Variants in PCYOX1 observed in about 807,000 individuals in gnomAD.
The protein encoded by PCYOX1 is prenylcysteine lyase.
A neutral mutation model predicts 46.4 loss-of-function variants in PCYOX1; 46 were observed. The observed-to-expected ratio is 0.99, with a 90% CI of 0.78 to 1.27. The LOEUF (loss-of-function observed/expected upper bound fraction) is 1.27, where lower values mean the gene tolerates loss of function less well. Ranked by LOEUF, PCYOX1 falls within the 50% of genes most tolerant of loss-of-function variation. The pLI is 0.00. For missense variants in PCYOX1, 658 were observed against 628.3 expected (o/e 1.05, Z -0.51); for synonymous variants, 220 against 231.8 (o/e 0.95, Z 0.46).
intron 3 of PCYOX1, among the ~76,000 whole-genome samples, chr2:70,272,231 A>C (rs899084476): frequency 6.6e-6 from 1 of 150,456 alleles, no homozygotes; most frequent in African/African-American, 2.4e-5. Flanking sequence ...GGTTCAAGCG[A>C]TTCTCCTGCC....
Position 70,277,478 on chromosome 2 carries a change from C to T in PCYOX1, c.*86C>T. 1.8e-6 allele frequency: 2 copies of T among 1,122,222 alleles called. No individual in the cohort carries two copies. Among genetic ancestry groups the T allele is most frequent in the Non-Finnish European group, 2.6e-6 (2 of 775,112 alleles). The allele number at this position is 1,122,222 out of a possible 1,614,324, so 69.5% of individuals were successfully genotyped here. On this transcript the variant is annotated 3_prime_UTR_variant, in exon 6 of 6. Coordinates refer to ENST00000433351, the MANE Select transcript of PCYOX1 (RefSeq NM_016297.4). ...AAATCTGAGCAGAGATGATTTTGAA[C>T]CAGATATTTTGCCATTATCATTGTT...
At chr2:70,270,345 A>C (rs1480984115) in intron 3 of PCYOX1, among the ~76,000 whole-genome samples, 1 of 152,118 alleles carries the variant, frequency 6.6e-6, no homozygotes, top group Admixed American at 6.6e-5. Flanking sequence ...GCTTTGGTTT[A>C]TCTGCAGAGC....
chr2:70,263,149 A>G (rs981919286), intron 3 of PCYOX1, among the ~76,000 whole-genome samples: 5 of 151,578 alleles, frequency 3.3e-5, no homozygotes, highest in African/African-American at 1.2e-4. Flanking sequence ...CAGGAGAATC[A>G]CTTGAACCTG....
rs1696714134 is a variant in PCYOX1 at position 70,278,193 on chromosome 2, GC to G, written c.*802del. 6.6e-6 allele frequency: 1 copy of G among 152,542 alleles called. No homozygotes were observed. The highest frequency in any genetic ancestry group is 1.5e-5 in the Non-Finnish European group (1 of 68,032). 9.4% of individuals were successfully genotyped at this position (152,542 alleles called of 1,614,324 possible). Reference sequence around the variant, plus strand: ...TATGGGCTACTGAATTAAGAAACTGGCATTCTAGTATTAAATCCTCACTTCA... The same window carrying G: ...TATGGGCTACTGAATTAAGAAACTGGATTCTAGTATTAAATCCTCACTTCA... On this transcript the variant is annotated 3_prime_UTR_variant, in exon 6 of 6. Transcript: ENST00000433351.
At chr2:70,273,936 T>G (rs978066989) in intron 3 of PCYOX1, among the ~76,000 whole-genome samples, 1 of 152,222 alleles carries the variant, frequency 6.6e-6, no homozygotes, top group African/African-American at 2.4e-5. Flanking sequence ...GCAAGACTTT[T>G]CAGAGAAGGT....
chr2:70,259,908 C>T (rs1221488221), intron 2 of PCYOX1, among the ~76,000 whole-genome samples: 2 of 152,102 alleles, frequency 1.3e-5, no homozygotes, highest in Admixed American at 6.6e-5. Flanking sequence ...CTCTGCCTCC[C>T]GGGTTCAAGC....
At chr2:70,268,646 A>G (rs1395587828) in intron 3 of PCYOX1, among the ~76,000 whole-genome samples, 3 of 152,044 alleles carry the variant, frequency 2.0e-5, no homozygotes, top group Non-Finnish European at 4.4e-5. Context: ...AAAAATACAA[A>G]AAATTAGCTG....
chr2:70,261,650 T>C (rs997185278), intron 3 of PCYOX1, among the ~76,000 whole-genome samples: 4 of 152,224 alleles, frequency 2.6e-5, no homozygotes, highest in Admixed American at 6.5e-5. Context: ...CTTGAATTCT[T>C]ATGACAACTT....
intron 3 of PCYOX1, among the ~76,000 whole-genome samples, chr2:70,270,760 G>A (rs970573085): frequency 9.2e-5 from 14 of 151,978 alleles, no homozygotes; most frequent in Non-Finnish European, 4.4e-5. Context: ...CTTCTTTTCA[G>A]ACCATTTTCT....
Position 70,281,112 on chromosome 2 carries a change from A to G in PCYOX1, c.*3720A>G, listed in dbSNP as rs1299071966. On this transcript the variant is annotated 3_prime_UTR_variant, in exon 6 of 6. Transcript: ENST00000433351. ...ATACACTGGAATGTTTTTCTCTGGAATCCTCTTTCTACTCTTGTATTAAAA... is the reference window on the plus strand; with the variant it reads ...ATACACTGGAATGTTTTTCTCTGGAGTCCTCTTTCTACTCTTGTATTAAAA... 6.6e-6 allele frequency: 1 copy of G among 152,288 alleles called. No homozygotes were observed. Among genetic ancestry groups the G allele is most frequent in the Non-Finnish European group, 1.5e-5 (1 of 68,108 alleles). 9.4% of individuals were successfully genotyped at this position (152,288 alleles called of 1,614,324 possible). A position where few individuals can be genotyped will look rare whatever the true frequency, so the allele number is the denominator to read the frequency against.
intron 3 of PCYOX1, among the ~76,000 whole-genome samples, chr2:70,266,918 C>G (rs1483239173): frequency 2.0e-5 from 3 of 152,192 alleles, no homozygotes; most frequent in African/African-American, 4.8e-5. Context: ...CCACATTTCC[C>G]CCACTTCTAT....
chr2:70,274,319 T>G (rs1696638027), intron 3 of PCYOX1, among the ~76,000 whole-genome samples: 1 of 149,908 alleles, frequency 6.7e-6, no homozygotes, highest in East Asian at 2.0e-4. Flanking sequence ...TGCCTCAGCC[T>G]CCTGAATAGC....
chr2:70,280,441 T>A lies in PCYOX1; in HGVS notation c.*3049T>A, dbSNP rs1464609636. The A allele has an allele frequency of 1.3e-5, 2 of 152,116 alleles. No individual in the cohort carries two copies. The highest frequency in any genetic ancestry group is 2.4e-5 in the African/African-American group (1 of 41,384). 9.4% of individuals were successfully genotyped at this position (152,116 alleles called of 1,614,324 possible). A position where few individuals can be genotyped will look rare whatever the true frequency, so the allele number is the denominator to read the frequency against. ...AGCCAGCTCTGCTCCAGTGGCTCTC[T>A]GAGTTGAGCATGCATCAGTTACCTT... is the stretch of plus-strand genomic sequence containing the variant. On this transcript the variant is annotated 3_prime_UTR_variant, in exon 6 of 6. Coordinates refer to ENST00000433351, the MANE Select transcript of PCYOX1 (RefSeq NM_016297.4).
At chr2:70,259,241 C>T in intron 1 of PCYOX1, 119 bp from the exon 2 acceptor site, 1 of 876,408 alleles carries the variant, frequency 1.1e-6, no homozygotes, top group Non-Finnish European at 1.9e-6. Flanking sequence ...CTTCCCCCAC[C>T]AAATTGTTGG....
chr2:70,268,039 G>A (rs1280850334), intron 3 of PCYOX1, among the ~76,000 whole-genome samples: 1 of 151,990 alleles, frequency 6.6e-6, no homozygotes, highest in Non-Finnish European at 1.5e-5. Flanking sequence ...TTGCACTCCT[G>A]ACCTCGTGAT....
intron 3 of PCYOX1, among the ~76,000 whole-genome samples, chr2:70,272,381 C>T (rs1696614216): frequency 6.6e-6 from 1 of 152,132 alleles, no homozygotes; most frequent in Non-Finnish European, 1.5e-5. Context: ...CCCGCCTCAG[C>T]CTCCCAAAGT....
intron 3 of PCYOX1, among the ~76,000 whole-genome samples, chr2:70,268,615 T>C (rs766244174): frequency 1.3e-5 from 2 of 151,940 alleles, no homozygotes; most frequent in Non-Finnish European, 2.9e-5. Flanking sequence ...CTGACCAACA[T>C]GGTGAAACCC....
At chr2:70,270,600 A>G (rs186121064) in intron 3 of PCYOX1, among the ~76,000 whole-genome samples, 96 of 152,036 alleles carry the variant, frequency 6.3e-4, no homozygotes, top group African/African-American at 2.2e-3. Flanking sequence ...TACCGGAAAT[A>G]TTTTCCCCCA....
At chr2:70,265,670 A>G (rs928726901) in intron 3 of PCYOX1, among the ~76,000 whole-genome samples, 1 of 152,152 alleles carries the variant, frequency 6.6e-6, no homozygotes, top group African/African-American at 2.4e-5. Context: ...GTTTACTCAG[A>G]TGTTTGTGGA....
Sources: allele counts gnomAD v4.1 joint callset (sites outside exome capture counted in the v4.1 genomes callset), GRCh38; gene constraint gnomAD v4.1.1; transcripts MANE v1.5; gene names NCBI Gene and HGNC (gene_info 2026-07-23, HGNC 2026-07-21).